The following GIPC3 variants were observed in gnomAD, a reference collection of about 807,000 sequenced individuals.
GIPC3 encodes the protein GIPC PDZ domain containing family member 3, also known as PDZ domain-containing protein GIPC3.
GIPC3 carries 16 observed loss-of-function variants against 27.3 expected under a neutral mutation model. The observed-to-expected ratio is 0.59, with a 90% CI of 0.40 to 0.89. The LOEUF (loss-of-function observed/expected upper bound fraction) is 0.89. Among genes scored for constraint, GIPC3 ranks in the 40% least tolerant of loss-of-function variants. The probability of loss-of-function intolerance (pLI) is 0.00; values close to 1 mark genes in which losing one functional copy is unlikely to be tolerated. For synonymous variants in GIPC3, 194 were observed against 184.6 expected (o/e 1.05, Z -0.41); for missense variants, 440 against 442.1 (o/e 1.00, Z 0.04).
chr19:3,587,844 C>A (rs1348538654), intron 3 of GIPC3, among the ~76,000 whole-genome samples: 6 of 151,652 alleles, frequency 4.0e-5, no homozygotes, highest in Non-Finnish European at 8.8e-5. Context: ...GCGCCCGCCA[C>A]CACACCCGGC....
chr19:3,592,637 C>G lies in GIPC3; in HGVS notation c.*2447C>G, dbSNP rs2032506565. 1 of 1,231,990 alleles carries G rather than the reference C, an allele frequency of 8.1e-7. No homozygotes were observed. The highest frequency in any genetic ancestry group is 1.0e-6 in the Non-Finnish European group (1 of 987,974). 76.3% of individuals were successfully genotyped at this position (1,231,990 alleles called of 1,614,324 possible). ...CTGGGATTCAGTTTGGCTCTGAAACCCAGACCGGCTCAAGAATTCAGCCCG... is the reference window on the plus strand; with the variant it reads ...CTGGGATTCAGTTTGGCTCTGAAACGCAGACCGGCTCAAGAATTCAGCCCG... On this transcript the variant is annotated 3_prime_UTR_variant, in exon 6 of 6. Transcript: ENST00000644452.
intron 3 of GIPC3, 31 bp from the exon 4 acceptor site, chr19:3,589,412 C>G (rs773938879): frequency 2.0e-6 from 3 of 1,527,124 alleles, no homozygotes; most frequent in Non-Finnish European, 2.7e-6. Context: ...CACCCAGAAC[C>G]CATGGCCATC....
Position 3,586,952 on chromosome 19 carries a change from C to G in GIPC3, c.550C>G (p.Gln184Glu). 1 of 1,613,146 alleles carries G rather than the reference C, an allele frequency of 6.2e-7. No individual in the cohort carries two copies. Among genetic ancestry groups the G allele is most frequent in the Admixed American group, 1.7e-5 (1 of 60,008 alleles). ...AKMLRELPKS[Q>E]PFTLRLVQPK... ...GATGCTCCGGGAGCTGCCCAAGTCC[C>G]AGCCCTTCACCCTGCGCCTGGTGCA... is the stretch of plus-strand genomic sequence containing the variant. The change falls in exon 3 of 6, where the codon CAG becomes GAG. Residue 184 changes from glutamine (Q) to glutamate (E), a missense_variant. By Grantham distance (29) the Gln-to-Glu change is conservative (BLOSUM62 2). Transcript: ENST00000644452.
At position 3,591,529 on chromosome 19, in the gene GIPC3, G is replaced by C; in HGVS notation, c.*1339G>C. The stretch of plus-strand genomic sequence containing the variant: ...CCAGTTAATTTTGGAACCCATGTGA[G>C]ATTCATGAAGCAGCCCAGCTCTGGA... On this transcript the variant is annotated 3_prime_UTR_variant, in exon 6 of 6. Coordinates refer to ENST00000644452, the MANE Select transcript of GIPC3 (RefSeq NM_133261.3). The C allele has an allele frequency of 8.1e-7, 1 of 1,232,870 alleles. No individual in the cohort carries two copies. Among genetic ancestry groups the C allele is most frequent in the Non-Finnish European group, 1.0e-6 (1 of 988,714 alleles). 76.4% of individuals were successfully genotyped at this position (1,232,870 alleles called of 1,614,324 possible).
rs536195528 is a variant in GIPC3 at position 3,589,365 on chromosome 19, G to C, written c.593-78G>C. 4 of 1,019,312 alleles carry C rather than the reference G, an allele frequency of 3.9e-6. No homozygotes were observed. The African/African-American group carries it at 4.7e-5, about 12-fold the overall frequency. 63.1% of individuals were successfully genotyped at this position (1,019,312 alleles called of 1,614,324 possible). On this transcript the variant is annotated intron_variant, in intron 3 of 5. Transcript: ENST00000644452. ...GGGGAGGAAGATTCTAGAAAGGCTC[G>C]GCTGTTGGCCTCCCAGGGTTTACAA...
At position 3,590,583 on chromosome 19, in the gene GIPC3, A is replaced by G. The variant is rs1410748184; in HGVS notation, c.*393A>G. 6.8e-6 allele frequency: 9 copies of G among 1,322,614 alleles called. No individual in the cohort carries two copies. Among genetic ancestry groups the G allele is most frequent in the Non-Finnish European group, 8.7e-6 (9 of 1,040,212 alleles). 81.9% of individuals were successfully genotyped at this position (1,322,614 alleles called of 1,614,324 possible). A position where few individuals can be genotyped will look rare whatever the true frequency, so the allele number is the denominator to read the frequency against. On this transcript the variant is annotated 3_prime_UTR_variant, in exon 6 of 6. Transcript: ENST00000644452. The stretch of plus-strand genomic sequence containing the variant: ...CTCTAGAACCCAGATGAGCTCTGAG[A>G]CCATGCCCAGCTCTAGAACTCAGAT...
At chr19:3,586,309 T>C (rs2032363342) in intron 1 of GIPC3, among the ~76,000 whole-genome samples, 186 bp from the exon 2 acceptor site, 1 of 152,064 alleles carries the variant, frequency 6.6e-6, no homozygotes, top group Non-Finnish European at 1.5e-5. Context: ...TCCCGGGGTA[T>C]GGAGAGGGGT....
At position 3,589,430 on chromosome 19, in the gene GIPC3, CTG is replaced by C. The variant is rs1568278401; in HGVS notation, c.593-11_593-10del. 2.5e-6 allele frequency: 4 copies of C among 1,601,454 alleles called. No individual in the cohort carries two copies. The highest frequency in any genetic ancestry group is 3.4e-6 in the Non-Finnish European group (4 of 1,168,468). On this transcript the variant is annotated splice_polypyrimidine_tract_variant and intron_variant, in intron 3 of 5. Coordinates refer to ENST00000644452, the MANE Select transcript of GIPC3 (RefSeq NM_133261.3). ...CCAGAACCCATGGCCATCCCTCACT[CTG>C]TTCCCTCCAGATATGATTGGCCAGA...
Position 3,592,580 on chromosome 19 carries a change from G to A in GIPC3, c.*2390G>A, listed in dbSNP as rs2032506156. ...GTCCTGAGACCAGGCTCAGCTCTGA[G>A]GCTCAGTCCAGCTCTGGAACCCAGT... On this transcript the variant is annotated 3_prime_UTR_variant, in exon 6 of 6. Transcript: ENST00000644452. 1 of 1,231,482 alleles carries A rather than the reference G, an allele frequency of 8.1e-7. No individual in the cohort carries two copies. The highest frequency in any genetic ancestry group is 1.0e-6 in the Non-Finnish European group (1 of 987,826). 76.3% of individuals were successfully genotyped at this position (1,231,482 alleles called of 1,614,324 possible).
At chr19:3,589,706 T>C in intron 4 of GIPC3, 125 bp from the exon 5 acceptor site, 2 of 1,107,638 alleles carry the variant, frequency 1.8e-6, no homozygotes, top group Non-Finnish European at 1.4e-6. Context: ...ATGATGTTGG[T>C]ACCAGCACTA....
intron 4 of GIPC3, 63 bp downstream of exon 4, chr19:3,589,618 G>A (rs1473500798): frequency 7.2e-7 from 1 of 1,394,744 alleles, no homozygotes. Context: ...CTGAGTCAGT[G>A]CGGTCTTGGG....
Position 3,587,958 on chromosome 19 carries a change from C to T in GIPC3, c.592+964C>T, listed in dbSNP as rs201711985. On this transcript the variant is annotated intron_variant, in intron 3 of 5. Coordinates refer to ENST00000644452, the MANE Select transcript of GIPC3 (RefSeq NM_133261.3). ...CCCACCTCGGCCTCCCAAAGTGCTG[C>T]GATTACAGGTGTGAGCCACCGCGCC... 4.7e-5 allele frequency among the ~76,000 whole-genome samples: 7 copies of T among 149,964 alleles called. No homozygotes were observed. In the East Asian group the frequency reaches 1.2e-3, roughly 26 times the overall value.
chr19:3,585,902 A>C, intron 1 of GIPC3, 80 bp downstream of exon 1: 1 of 1,478,252 alleles, frequency 6.8e-7, no homozygotes, highest in Non-Finnish European at 9.0e-7. Context: ...TGGACGGGAG[A>C]CCCCAGATCC....
At chr19:3,586,742 G>C in intron 2 of GIPC3, 62 bp downstream of exon 2, 1 of 1,610,856 alleles carries the variant, frequency 6.2e-7, no homozygotes, top group Non-Finnish European at 8.5e-7. Flanking sequence ...CCCCACTCTG[G>C]GTCGACGTGG....
At position 3,592,866 on chromosome 19, in the gene GIPC3, C is replaced by G. The variant is rs904247759; in HGVS notation, c.*2676C>G. On this transcript the variant is annotated 3_prime_UTR_variant, in exon 6 of 6. Coordinates refer to ENST00000644452, the MANE Select transcript of GIPC3 (RefSeq NM_133261.3). ...GAGCCCTGGAAATGGAATCTGCCCA[C>G]AGACCCCTGGCCTTGACCCTAGAAT... 3.2e-6 allele frequency: 4 copies of G among 1,232,050 alleles called. No individual in the cohort carries two copies. The African/African-American group carries it at 6.2e-5, about 19-fold the overall frequency. 76.3% of individuals were successfully genotyped at this position (1,232,050 alleles called of 1,614,324 possible).
At chr19:3,589,688 G>C (rs2032443741) in intron 4 of GIPC3, 133 bp downstream of exon 4, 1 of 1,105,860 alleles carries the variant, frequency 9.0e-7, no homozygotes, top group African/African-American at 1.5e-5. Context: ...TCATTGAAAA[G>C]TGGGGCAATG....
rs553191200 is a variant in GIPC3 at position 3,593,511 on chromosome 19, A to G, written c.*3321A>G. 44 of 401,566 alleles carry G rather than the reference A, an allele frequency of 1.1e-4. No homozygotes were observed. The highest frequency in any genetic ancestry group is 1.8e-4 in the Non-Finnish European group (41 of 230,882). 24.9% of individuals were successfully genotyped at this position (401,566 alleles called of 1,614,324 possible). ...TGCACCGCATGTACCCTGAGGGCTC[A>G]TGGTGAATAAAGGCACCTTCCATCT... On this transcript the variant is annotated 3_prime_UTR_variant, in exon 6 of 6. Transcript: ENST00000644452.
rs1342383848 is a variant in GIPC3 at position 3,585,744 on chromosome 19, G to A, written c.147G>A (p.Thr49=). Residue 49 remains threonine, a synonymous_variant, in exon 1 of 6, where the codon ACG becomes ACA. Transcript: ENST00000644452. The part of the protein sequence containing the change: ...FRTQLAHGSP[T]GKIEGFTNVR... ...CGCAGCTGGCGCACGGGAGCCCCACGGGCAAGATCGAGGGCTTCACCAACG... is the reference window on the plus strand; with the variant it reads ...CGCAGCTGGCGCACGGGAGCCCCACAGGCAAGATCGAGGGCTTCACCAACG... The A allele has an allele frequency of 1.3e-6, 2 of 1,542,878 alleles. No individual in the cohort carries two copies. Among genetic ancestry groups the A allele is most frequent in the Non-Finnish European group, 1.7e-6 (2 of 1,143,992 alleles).
chr19:3,585,897 G>A, intron 1 of GIPC3, 75 bp downstream of exon 1: 2 of 1,495,792 alleles, frequency 1.3e-6, no homozygotes, highest in South Asian at 2.4e-5. Context: ...GACCCTGGAC[G>A]GGAGACCCCA....
Sources: gnomAD v4.1 joint callset for allele counts (sites outside exome capture counted in the v4.1 genomes callset) on GRCh38, gnomAD v4.1.1 for gene constraint, MANE v1.5 for transcripts, NCBI Gene and HGNC (gene_info 2026-07-23, HGNC 2026-07-21) for gene names.